Variants in RANGAP1 observed in about 807,000 individuals in gnomAD.
RANGAP1 encodes the protein ran GTPase-activating protein 1.
A neutral mutation model predicts 63.5 loss-of-function variants in RANGAP1; 38 were observed. The ratio of observed to expected loss-of-function variants is 0.60; its 90% CI spans 0.46 to 0.78. RANGAP1 has a LOEUF of 0.78. Ranked by LOEUF, RANGAP1 falls within the 30% of genes least tolerant of loss-of-function variation. RANGAP1 has a pLI of 0.00. For missense variants in RANGAP1, 630 were observed against 740.3 expected, an observed-to-expected ratio of 0.85 and a Z score of 1.73; for synonymous variants, 329 against 310.5, an observed-to-expected ratio of 1.06 and a Z score of -0.63.
Position 41,261,455 on chromosome 22 carries a change from T to C in RANGAP1, c.606A>G (p.Glu202=). The change falls in exon 6 of 16, where the codon GAA becomes GAG. Residue 202 remains glutamate (E), a synonymous_variant. Coordinates refer to ENST00000356244, the MANE Select transcript of RANGAP1 (RefSeq NM_002883.4). ...LENDGATALA[E]AFRVIGTLEE... Reference sequence around the variant, plus strand: ...GACAGAAACCACTCACCCTAAAAGCTTCTGCCAAGGCAGTGGCGCCATCAT... The same window carrying C: ...GACAGAAACCACTCACCCTAAAAGCCTCTGCCAAGGCAGTGGCGCCATCAT... 1 of 1,614,200 alleles carries C rather than the reference T, an allele frequency of 6.2e-7. No homozygotes were observed. The highest frequency in any genetic ancestry group is 8.5e-7 in the Non-Finnish European group (1 of 1,180,032).
intron 10 of RANGAP1, 57 bp downstream of exon 10, chr22:41,255,960 AAAAG>A (rs904295433): frequency 1.5e-4 from 233 of 1,509,880 alleles, no homozygotes; most frequent in Middle Eastern, 2.1e-4. Context: ...TCTCAAGAAC[AAAAG>A]AAAGAAAGAA....
the RANGAP1 span, among the ~76,000 whole-genome samples, chr22:41,292,476 T>C: frequency 6.6e-6 from 1 of 151,140 alleles, no homozygotes; most frequent in Non-Finnish European, 1.5e-5. Context: ...ATAATCCTCT[T>C]GTGGCCGGGT....
the RANGAP1 span, among the ~76,000 whole-genome samples, chr22:41,298,385 G>C: frequency 6.6e-6 from 1 of 152,082 alleles, no homozygotes; most frequent in Non-Finnish European, 1.5e-5. Flanking sequence ...CGCGATCTCG[G>C]CTCACTGCAA....
chr22:41,283,674 GC>G (rs2035613410), intron 1 of RANGAP1, among the ~76,000 whole-genome samples: 1 of 152,178 alleles, frequency 6.6e-6, no homozygotes, highest in Non-Finnish European at 1.5e-5. Flanking sequence ...TCTTGTAGGG[GC>G]AGAGGGTTGG....
chr22:41,276,749 G>A (rs1031619437), intron 2 of RANGAP1, among the ~76,000 whole-genome samples: 13 of 151,916 alleles, frequency 8.6e-5, no homozygotes, highest in African/African-American at 1.7e-4. Flanking sequence ...AGGCCAAGGC[G>A]GGCGGATCGT....
chr22:41,247,727 A>G (rs1382056267), intron 15 of RANGAP1, among the ~76,000 whole-genome samples: 1 of 152,240 alleles, frequency 6.6e-6, no homozygotes, highest in African/African-American at 2.4e-5. Flanking sequence ...GGGACTGGGC[A>G]AGTGCGGGAC....
In RANGAP1 at chr22:41,257,922, A is replaced by G. The variant is rs1291134804; in HGVS notation, c.774+26T>C. On this transcript the variant is annotated intron_variant, in intron 7 of 15. Transcript: ENST00000356244. The surrounding 1 kb of genome is among the most constrained non-coding windows in gnomAD (Gnocchi z 4.0). ...AGCCAGCCTCTATCTGGCGGGGCCC[A>G]ACTGGCTCTGCCACACTCGCCTCAC... 16 of 1,577,122 alleles carry G rather than the reference A, an allele frequency of 1.0e-5. No individual in the cohort carries two copies. In the Admixed American group the frequency reaches 2.8e-4, roughly 27 times the overall value.
the RANGAP1 span, among the ~76,000 whole-genome samples, chr22:41,297,383 A>G: frequency 2.5e-3 from 377 of 152,246 alleles, no homozygotes; most frequent in African/African-American, 8.8e-3. Context: ...ATAGATTTAA[A>G]TATTAAACTC....
chr22:41,266,493 G>A (rs961584379), intron 4 of RANGAP1, among the ~76,000 whole-genome samples: 1 of 152,194 alleles, frequency 6.6e-6, no homozygotes, highest in Non-Finnish European at 1.5e-5. Flanking sequence ...TCCACAGTGA[G>A]TATGCAAAAG....
chr22:41,252,725 GC>G (rs1450649792), intron 12 of RANGAP1, 146 bp downstream of exon 12: 2 of 928,476 alleles, frequency 2.2e-6, no homozygotes, highest in Admixed American at 8.5e-5. Flanking sequence ...CTGGACATTT[GC>G]GCGTGTTGTA....
chr22:41,279,642 A>C (rs908307869), intron 2 of RANGAP1, among the ~76,000 whole-genome samples: 1 of 148,086 alleles, frequency 6.8e-6, no homozygotes, highest in Non-Finnish European at 1.5e-5. Context: ...ACTATGTCTC[A>C]AAAAAAAAAA....
At chr22:41,288,400 C>G (rs1009055086), upstream of RANGAP1, among the ~76,000 whole-genome samples, 18 of 152,212 alleles carry the variant, frequency 1.2e-4, no homozygotes, top group Non-Finnish European at 2.4e-4. Flanking sequence ...AGTATCTTCT[C>G]TGGGCCTGGC....
intron 2 of RANGAP1, among the ~76,000 whole-genome samples, chr22:41,276,394 T>A (rs2035145841): frequency 6.6e-6 from 1 of 152,170 alleles, no homozygotes; most frequent in Non-Finnish European, 1.5e-5. Context: ...TCCCAGCACT[T>A]TGGGAGGCTG....
In RANGAP1 at chr22:41,257,436, G is replaced by C. The variant is rs1400297745; in HGVS notation, c.774+512C>G. On this transcript the variant is annotated intron_variant, in intron 7 of 15. Coordinates refer to ENST00000356244, the MANE Select transcript of RANGAP1 (RefSeq NM_002883.4). The surrounding 1 kb of genome is among the most constrained non-coding windows in gnomAD (Gnocchi z 4.0). The stretch of plus-strand genomic sequence containing the variant: ...TGGCCTGCACTTGGTACAAAGCCAA[G>C]CACTAAATGGGGACTCAAAAAACAG... Among the ~76,000 whole-genome samples, 2 of 152,136 alleles carry C rather than the reference G, an allele frequency of 1.3e-5. No individual in the cohort carries two copies. Among genetic ancestry groups the C allele is most frequent in the Non-Finnish European group, 2.9e-5 (2 of 68,034 alleles).
At chr22:41,283,280 G>A (rs2035591933) in intron 1 of RANGAP1, among the ~76,000 whole-genome samples, 1 of 151,986 alleles carries the variant, frequency 6.6e-6, no homozygotes, top group Non-Finnish European at 1.5e-5. Flanking sequence ...GGAGACCGAG[G>A]CAGGTGGATC....
chr22:41,264,763 G>A lies in RANGAP1; in HGVS notation c.381C>T (p.Asp127=), dbSNP rs777860138. The A allele has an allele frequency of 1.2e-5, 19 of 1,613,988 alleles. No individual in the cohort carries two copies. Among genetic ancestry groups the A allele is most frequent in the South Asian group, 4.4e-5 (4 of 91,090 alleles). The change falls in exon 5 of 16, where the codon GAC becomes GAT. Residue 127 remains aspartate, a synonymous_variant. Transcript: ENST00000356244. ...GCAGGGCCTCGAAGCCTTGCACACC[G>A]TCGGGCCCGAATGCGTTGTCGCTTA... ...LDLSDNAFGP[D]GVQGFEALLK...
rs371069977 is a variant in RANGAP1 at position 41,277,218 on chromosome 22, C to T, written c.113-2491G>A. Among the ~76,000 whole-genome samples the T allele has an allele frequency of 1.1e-4, 17 of 150,252 alleles. No homozygotes were observed. The East Asian group carries it at 2.6e-3, about 23-fold the overall frequency. ...TCAGCCTCCCAAGTAGCTGGGACTA[C>T]AGGCGCCCGCCACTACGCCCGGCTA... On this transcript the variant is annotated intron_variant, in intron 2 of 15. Transcript: ENST00000356244.
At position 41,274,724 on chromosome 22, in the gene RANGAP1, T is replaced by G; in HGVS notation, c.116A>C (p.Lys39Thr). The change falls in exon 3 of 16, where the codon AAA (lysine) becomes ACA (threonine). Residue 39 changes from lysine to threonine, a missense_variant. By Grantham distance (78) the Lys-to-Thr change is moderately conservative. Around this residue, in one of 3 missense-constraint regions of RANGAP1, gnomAD observed 65 missense variants for 60.5 expected, o/e 1.07. Coordinates refer to ENST00000356244, the MANE Select transcript of RANGAP1 (RefSeq NM_002883.4). ...SLKLNTAEDA[K>T]DVIKEIEDFD... The stretch of plus-strand genomic sequence containing the variant: ...GTCTTCAATCTCTTTAATCACATCT[T>G]TAGCTGCCAGGGACCAAAGAGCAGA... The G allele has an allele frequency of 6.2e-7, 1 of 1,614,048 alleles. No individual in the cohort carries two copies. The highest frequency in any genetic ancestry group is 8.5e-7 in the Non-Finnish European group (1 of 1,179,974).
intron 10 of RANGAP1, 70 bp from the exon 11 acceptor site, chr22:41,254,564 C>T: frequency 1.3e-6 from 2 of 1,509,250 alleles, no homozygotes; most frequent in Non-Finnish European, 1.8e-6. Context: ...GGCCTGGCTC[C>T]ATGAGCCCAG....
Sources: allele counts gnomAD v4.1 joint callset (sites outside exome capture counted in the v4.1 genomes callset), GRCh38; gene constraint gnomAD v4.1.1; regional missense constraint gnomAD v4.1.1; non-coding constraint Gnocchi (gnomAD v3.1); transcripts MANE v1.5; gene names NCBI Gene and HGNC (gene_info 2026-07-23, HGNC 2026-07-21).